BABAM2: variants seen among roughly 807,000 people sequenced by gnomAD.
BABAM2 encodes the protein BRISC and BRCA1-A complex member 2.
BABAM2 carries 31 observed loss-of-function variants against 54.7 expected under a neutral mutation model. The observed-to-expected ratio is 0.57, with a 90% CI of 0.43 to 0.77. The LOEUF (loss-of-function observed/expected upper bound fraction) is 0.77. Ranked by LOEUF, BABAM2 falls within the 30% of genes least tolerant of loss-of-function variation. The probability of loss-of-function intolerance (pLI) is 0.00; values close to 1 mark genes in which losing one functional copy is unlikely to be tolerated. For missense variants in BABAM2, 364 were observed against 455.8 expected, an observed-to-expected ratio of 0.80 and a Z score of 1.83; for synonymous variants, 167 against 162.9, an observed-to-expected ratio of 1.03 and a Z score of -0.19.
intron 2 of BABAM2, among the ~76,000 whole-genome samples, chr2:27,922,370 T>C (rs1667402335): frequency 6.6e-6 from 1 of 152,176 alleles, no homozygotes. Context: ...CTGGGAGTCA[T>C]GTGATTAAAT....
In BABAM2 at chr2:28,329,826, A is replaced by G. The variant is rs1652379852; in HGVS notation, c.1089-8624A>G. ...AAAAGGAGGGACTTCTCCCTAACTC[A>G]CTTTATGAGACCAGCATTATCCTGA... On this transcript the variant is annotated intron_variant, in intron 11 of 11. Coordinates refer to ENST00000379624, the MANE Select transcript of BABAM2 (RefSeq NM_199191.3). This position sits in a 1 kb window ranked among gnomAD's most constrained non-coding sequence, Gnocchi z 4.2. Among the ~76,000 whole-genome samples, 1 of 152,230 alleles carries G rather than the reference A, an allele frequency of 6.6e-6. No homozygotes were observed. The highest frequency in any genetic ancestry group is 2.4e-5 in the African/African-American group (1 of 41,448).
intron 6 of BABAM2, 96 bp from the exon 7 acceptor site, chr2:28,129,173 TCA>T (rs1488874933): frequency 3.6e-6 from 4 of 1,124,636 alleles, no homozygotes; most frequent in Non-Finnish European, 5.4e-6. Flanking sequence ...TAAGGGTAAC[TCA>T]CAGTCATGGC....
rs556953188 is a variant in BABAM2 at position 28,136,537 on chromosome 2, T to C, written c.680+7157T>C. 2.0e-5 allele frequency among the ~76,000 whole-genome samples: 3 copies of C among 152,292 alleles called. No individual in the cohort carries two copies. The South Asian group carries it at 6.2e-4, about 32-fold the overall frequency. ...ATGTTAAGGCGGTGGGCTTTCACAGTCATTTCTTATTGCTGTGCCTTGTGG... is the reference window on the plus strand; with the variant it reads ...ATGTTAAGGCGGTGGGCTTTCACAGCCATTTCTTATTGCTGTGCCTTGTGG... On this transcript the variant is annotated intron_variant, in intron 7 of 11. Coordinates refer to ENST00000379624, the MANE Select transcript of BABAM2 (RefSeq NM_199191.3).
intron 2 of BABAM2, among the ~76,000 whole-genome samples, chr2:27,922,100 G>T (rs1329163786): frequency 2.0e-5 from 3 of 152,194 alleles, no homozygotes; most frequent in Non-Finnish European, 4.4e-5. Flanking sequence ...TGGTTAGCGT[G>T]TCCTGTAAGT....
At chr2:28,146,558 T>C (rs1011109377) in intron 7 of BABAM2, among the ~76,000 whole-genome samples, 4 of 152,084 alleles carry the variant, frequency 2.6e-5, no homozygotes, top group African/African-American at 9.7e-5. Context: ...CAAAAAACCA[T>C]GAACATGAAT....
chr2:28,079,521 A>G (rs1306905093), intron 6 of BABAM2, among the ~76,000 whole-genome samples: 1 of 152,200 alleles, frequency 6.6e-6, no homozygotes, highest in East Asian at 1.9e-4. Context: ...ACTAAAGAAA[A>G]GTTTTATGAC....
chr2:28,252,149 G>A (rs781508724), intron 10 of BABAM2, among the ~76,000 whole-genome samples: 3 of 150,514 alleles, frequency 2.0e-5, no homozygotes, highest in Non-Finnish European at 4.4e-5. Flanking sequence ...ACGTGCCGTT[G>A]CACTCCACCC....
chr2:28,054,563 G>A (rs1678248386), intron 6 of BABAM2, among the ~76,000 whole-genome samples: 2 of 152,158 alleles, frequency 1.3e-5, no homozygotes, highest in South Asian at 4.1e-4. Context: ...TGGAGCCCTG[G>A]TGAATGGGAT....
intron 6 of BABAM2, among the ~76,000 whole-genome samples, chr2:28,099,780 A>T (rs1427696073): frequency 6.6e-6 from 1 of 152,154 alleles, no homozygotes; most frequent in Non-Finnish European, 1.5e-5. Context: ...TGAAAACAGT[A>T]ATCCTAATAA....
At position 28,315,429 on chromosome 2, in the gene BABAM2, T is replaced by G. The variant is rs1257593984; in HGVS notation, c.1088+16938T>G. On this transcript the variant is annotated intron_variant, in intron 11 of 11. Coordinates refer to ENST00000379624, the MANE Select transcript of BABAM2 (RefSeq NM_199191.3). ...TTTGTGTGTGTGGTTCTTTTTTCTT[T>G]TCTTTTCTTTTCTTTTCTTTTCTTT... Among the ~76,000 whole-genome samples, 7 of 22,680 alleles carry G rather than the reference T, an allele frequency of 3.1e-4. No homozygotes were observed. In the East Asian group the frequency reaches 0.012, roughly 40 times the overall value. The allele number at this position is 22,680 out of a possible 152,430, so 14.9% of individuals were successfully genotyped here. A position where few individuals can be genotyped will look rare whatever the true frequency, so the allele number is the denominator to read the frequency against.
In BABAM2 at chr2:28,258,163, C is replaced by T. The variant is rs534265626; in HGVS notation, c.934+13301C>T. Among the ~76,000 whole-genome samples, 5 of 151,972 alleles carry T rather than the reference C, an allele frequency of 3.3e-5. No individual in the cohort carries two copies. In the South Asian group the frequency reaches 6.2e-4, roughly 19 times the overall value. ...CTGCACTCCAGCCTGGGCAGCAGAG[C>T]GAGACTGTGTCTCAAAAATAAATAA... On this transcript the variant is annotated intron_variant, in intron 10 of 11. Transcript: ENST00000379624.
rs184507671 is a variant in BABAM2, at chr2:28,192,507, G to T, written c.681-44695G>T. ...TATGGGTCTTTATTCATTTGACTGG[G>T]TTTATAGCTCTTTTTTTTTTTTTTT... On this transcript the variant is annotated intron_variant, in intron 7 of 11. Transcript: ENST00000379624. Among the ~76,000 whole-genome samples the T allele has an allele frequency of 2.0e-5, 3 of 146,698 alleles. 1 individual carries two copies. Among genetic ancestry groups the T allele is most frequent in the East Asian group, 4.0e-4 (2 of 4,944 alleles).
In BABAM2 at chr2:27,927,499, C is replaced by G. The variant is rs539733157; in HGVS notation, c.129-2333C>G. Among the ~76,000 whole-genome samples the G allele has an allele frequency of 1.2e-4, 19 of 152,282 alleles. 1 individual carries two copies. The highest frequency in any genetic ancestry group is 4.6e-4 in the African/African-American group (19 of 41,560). On this transcript the variant is annotated intron_variant, in intron 2 of 11. Transcript: ENST00000379624. The stretch of plus-strand genomic sequence containing the variant: ...GCTCATAACAGCATGCTCATAATGA[C>G]ATGATGCTCATTACCGTCATTAGAT...
rs1421477771 is a variant in BABAM2 at position 28,051,789 on chromosome 2, C to T, written c.570+5990C>T. On this transcript the variant is annotated intron_variant, in intron 6 of 11. Coordinates refer to ENST00000379624, the MANE Select transcript of BABAM2 (RefSeq NM_199191.3). Reference sequence around the variant, plus strand: ...TCAGCCTTCCGACTAGCTGGGATTACAGGCTCCTGCCACCAGGCCTGGCTA... The same window carrying T: ...TCAGCCTTCCGACTAGCTGGGATTATAGGCTCCTGCCACCAGGCCTGGCTA... 2.0e-5 allele frequency among the ~76,000 whole-genome samples: 3 copies of T among 152,174 alleles called. No homozygotes were observed. The East Asian group carries it at 5.8e-4, about 29-fold the overall frequency.
intron 11 of BABAM2, among the ~76,000 whole-genome samples, chr2:28,300,813 G>A (rs1472684895): frequency 1.3e-5 from 2 of 152,202 alleles, no homozygotes; most frequent in African/African-American, 4.8e-5. Context: ...GTTAACACCA[G>A]TCTAAAGAAA....
At chr2:28,041,392 C>A (rs1433862981) in intron 5 of BABAM2, among the ~76,000 whole-genome samples, 1 of 152,214 alleles carries the variant, frequency 6.6e-6, no homozygotes, top group Non-Finnish European at 1.5e-5. Context: ...CAATTCCCTT[C>A]CCCAAACTCT....
chr2:28,037,158 C>T (rs1477753497), intron 5 of BABAM2, among the ~76,000 whole-genome samples: 1 of 152,032 alleles, frequency 6.6e-6, no homozygotes, highest in Non-Finnish European at 1.5e-5. Context: ...AGTCTCCCTC[C>T]CATCTTTGTC....
chr2:28,154,635 AT>A (rs986939601), intron 7 of BABAM2, among the ~76,000 whole-genome samples: 3 of 151,938 alleles, frequency 2.0e-5, no homozygotes, highest in African/African-American at 7.3e-5. Flanking sequence ...TTCTTTATGT[AT>A]TTTTTTAAAT....
chr2:28,053,186 G>A (rs981409180), intron 6 of BABAM2, among the ~76,000 whole-genome samples: 1 of 152,170 alleles, frequency 6.6e-6, no homozygotes, highest in Non-Finnish European at 1.5e-5. Flanking sequence ...GACCTTACAA[G>A]TTTTTCTCTA....
Sources: gnomAD v4.1 joint callset for allele counts (sites outside exome capture counted in the v4.1 genomes callset) on GRCh38, gnomAD v4.1.1 for gene constraint, Gnocchi (gnomAD v3.1) non-coding constraint, MANE v1.5 for transcripts, NCBI Gene and HGNC (gene_info 2026-07-23, HGNC 2026-07-21) for gene names.